Variants in TRERF1 observed in about 807,000 individuals in gnomAD.
The protein encoded by TRERF1 is transcriptional regulating factor 1, also known as transcriptional-regulating factor 1.
In TRERF1, 27 loss-of-function variants were observed where a neutral mutation model predicts 122.9. That is an observed-to-expected ratio of 0.22 (90% CI 0.16 to 0.30). TRERF1 has a LOEUF of 0.30. Among genes scored for constraint, TRERF1 ranks in the 10% least tolerant of loss-of-function variants. The pLI is 1.00. For synonymous variants in TRERF1, 636 were observed against 641.7 expected (o/e 0.99, Z 0.13); for missense variants, 1,248 against 1,560.3 (o/e 0.80, Z 3.37).
chr6:42,406,526 G>T (rs568845412), intron 2 of TRERF1, among the ~76,000 whole-genome samples: 13 of 152,256 alleles, frequency 8.5e-5, no homozygotes, highest in Non-Finnish European at 1.6e-4. Context: ...CAGCTCACAG[G>T]TTGCAATCGG....
intron 2 of TRERF1, among the ~76,000 whole-genome samples, chr6:42,391,824 C>A (rs1777785975): frequency 6.6e-6 from 1 of 152,154 alleles, no homozygotes; most frequent in Non-Finnish European, 1.5e-5. Flanking sequence ...TTTGAGTTTA[C>A]CATGAGCTCT....
intron 4 of TRERF1, among the ~76,000 whole-genome samples, chr6:42,285,074 T>G (rs945031114): frequency 6.6e-6 from 1 of 152,202 alleles, no homozygotes; most frequent in Non-Finnish European, 1.5e-5. Flanking sequence ...CCTTGAGCAG[T>G]ATGGCCATTT....
intron 3 of TRERF1, among the ~76,000 whole-genome samples, chr6:42,357,441 T>C (rs189954398): frequency 2.0e-5 from 3 of 152,180 alleles, no homozygotes; most frequent in Admixed American, 1.3e-4. Flanking sequence ...ACGGTAACGC[T>C]TTGCCTAAGA....
At chr6:42,247,465 G>C in intron 13 of TRERF1, among the ~76,000 whole-genome samples, 1 of 152,294 alleles carries the variant, frequency 6.6e-6, no homozygotes, top group Non-Finnish European at 1.5e-5. Context: ...TGACAAATGA[G>C]GAAATGGAGG....
rs1781017293 is a variant in TRERF1 at position 42,275,632 on chromosome 6, G to A, written c.-258-5784C>T. Among the ~76,000 whole-genome samples, 1 of 152,248 alleles carries A rather than the reference G, an allele frequency of 6.6e-6. No individual in the cohort carries two copies. Among genetic ancestry groups the A allele is most frequent in the African/African-American group, 2.4e-5 (1 of 41,468 alleles). ...GAACTGCAACACTGCGCTAGGCAAA[G>A]GAGACCTAGAGTGGCTTGTTCCCCT... On this transcript the variant is annotated intron_variant, in intron 4 of 17. Transcript: ENST00000372922. This position sits in a 1 kb window ranked among gnomAD's most constrained non-coding sequence, Gnocchi z 4.1.
At chr6:42,277,654 A>G (rs1265438587) in intron 4 of TRERF1, among the ~76,000 whole-genome samples, 3 of 152,014 alleles carry the variant, frequency 2.0e-5, no homozygotes, top group African/African-American at 7.3e-5. Context: ...AATTTAAGAT[A>G]ACTCTAGGCA....
chr6:42,400,282 C>A (rs1779197932), intron 2 of TRERF1, among the ~76,000 whole-genome samples: 1 of 152,246 alleles, frequency 6.6e-6, no homozygotes, highest in South Asian at 2.1e-4. Flanking sequence ...CGTACGGCTC[C>A]ATGTGATACA....
At position 42,373,938 on chromosome 6, in the gene TRERF1, T is replaced by A. The variant is rs1252933133; in HGVS notation, c.-453-10859A>T. Among the ~76,000 whole-genome samples the A allele has an allele frequency of 2.7e-5, 4 of 150,186 alleles. No individual in the cohort carries two copies. In the East Asian group the frequency reaches 7.9e-4, roughly 30 times the overall value. On this transcript the variant is annotated intron_variant, in intron 2 of 17. Coordinates refer to ENST00000372922, the Ensembl canonical transcript of TRERF1. ...CCGTGAGGTCAGGAGATTGAGACCA[T>A]CCTGGCCGACATGGTGAAACCCTGT...
chr6:42,419,289 C>G (rs1444386612), intron 2 of TRERF1, among the ~76,000 whole-genome samples: 4 of 135,944 alleles, frequency 2.9e-5, no homozygotes, highest in Non-Finnish European at 3.2e-5. Flanking sequence ...TGAGTCCCCT[C>G]TCCTCACTCA....
chr6:42,294,937 C>A (rs976256183), intron 4 of TRERF1, among the ~76,000 whole-genome samples: 6 of 152,082 alleles, frequency 3.9e-5, no homozygotes, highest in African/African-American at 1.2e-4. Flanking sequence ...CTCTGAGTAA[C>A]CAGAATACAG....
At chr6:42,257,992 A>C in intron 10 of TRERF1, 143 bp downstream of exon 10, 2 of 673,010 alleles carry the variant, frequency 3.0e-6, no homozygotes, top group East Asian at 2.7e-5. Flanking sequence ...TTGTGCAGGG[A>C]AACAACAGTA....
intron 3 of TRERF1, among the ~76,000 whole-genome samples, chr6:42,331,122 C>T (rs767847495): frequency 7.2e-5 from 11 of 152,296 alleles, no homozygotes; most frequent in Admixed American, 2.0e-4. Flanking sequence ...GATTCAAAGA[C>T]GGTAGATTGA....
intron 13 of TRERF1, among the ~76,000 whole-genome samples, chr6:42,249,511 C>T (rs1478234234): frequency 6.6e-6 from 1 of 152,156 alleles, no homozygotes; most frequent in Non-Finnish European, 1.5e-5. Flanking sequence ...AGGAGAGATC[C>T]CCAAACCTCG....
intron 3 of TRERF1, among the ~76,000 whole-genome samples, chr6:42,303,923 A>AAAAAAAAAAAAAAAAC (rs1786689930): frequency 6.6e-6 from 1 of 151,254 alleles, no homozygotes. Flanking sequence ...AAAAAAAAAA[A>AAAAAAAAAAAAAAAAC]AAAAAAGAAG....
intron 3 of TRERF1, among the ~76,000 whole-genome samples, chr6:42,337,700 C>G (rs1057202709): frequency 6.6e-6 from 1 of 152,108 alleles, no homozygotes; most frequent in Non-Finnish European, 1.5e-5. Context: ...AATGGGGAAG[C>G]AGGGGAGGAG....
At chr6:42,405,974 G>A (rs530927241) in intron 2 of TRERF1, among the ~76,000 whole-genome samples, 181 of 152,180 alleles carry the variant, frequency 1.2e-3, no homozygotes, top group Non-Finnish European at 3.1e-4. Flanking sequence ...TCATTTCCAA[G>A]GGGCAAGAAT....
chr6:42,299,116 C>CTGTATCTATCTA (rs10627056), intron 4 of TRERF1, among the ~76,000 whole-genome samples: 5 of 141,786 alleles, frequency 3.5e-5, no homozygotes, highest in South Asian at 2.2e-4. Context: ...GTCTGTCTGT[C>CTGTATCTATCTA]TCTATCTATC....
chr6:42,299,478 C>A (rs114599708), intron 4 of TRERF1, among the ~76,000 whole-genome samples: 248 of 152,270 alleles, frequency 1.6e-3, no homozygotes, highest in African/African-American at 5.6e-3. Flanking sequence ...TATAAAGCAA[C>A]AATTTCAGCA....
chr6:42,256,226 A>G (rs1239224552), intron 12 of TRERF1, among the ~76,000 whole-genome samples: 1 of 152,100 alleles, frequency 6.6e-6, no homozygotes, highest in African/African-American at 2.4e-5. Flanking sequence ...GTTTGGGAAC[A>G]TCTGCAGAAC....
Sources: allele counts gnomAD v4.1 joint callset (sites outside exome capture counted in the v4.1 genomes callset), GRCh38; gene constraint gnomAD v4.1.1; non-coding constraint Gnocchi (gnomAD v3.1); transcripts MANE v1.5; gene names NCBI Gene and HGNC (gene_info 2026-07-23, HGNC 2026-07-21).